HYDIN: variants seen among roughly 807,000 people sequenced by gnomAD.
The protein encoded by HYDIN is axonemal central pair apparatus protein HYDIN.
In HYDIN, 132 loss-of-function variants were observed where a neutral mutation model predicts 403.9. The ratio of observed to expected loss-of-function variants is 0.33; its 90% CI spans 0.28 to 0.38. The LOEUF is 0.38. Among genes scored for constraint, HYDIN ranks in the 10% least tolerant of loss-of-function variants. The pLI is 1.00. For synonymous variants in HYDIN, 1,202 were observed against 1,891.7 expected, an observed-to-expected ratio of 0.64 and a Z score of 9.46; for missense variants, 2,827 against 5,009.5, an observed-to-expected ratio of 0.56 and a Z score of 13.15.
At chr16:71,053,647 A>G (rs1428586746) in intron 18 of HYDIN, among the ~76,000 whole-genome samples, 1 of 144,856 alleles carries the variant, frequency 6.9e-6, no homozygotes, top group Non-Finnish European at 1.5e-5. Flanking sequence ...TATAATATAT[A>G]TATTATGTAA....
intron 8 of HYDIN, chr16:71,132,029 C>CATACT (rs1321893310): frequency 4.8e-5 from 7 of 144,426 alleles, no homozygotes; most frequent in Non-Finnish European, 1.1e-4. Context: ...AAGAAAAATA[C>CATACT]ATACTTATTA....
intron 54 of HYDIN, 124 bp from the exon 55 acceptor site, chr16:70,894,672 A>C: frequency 3.2e-6 from 2 of 626,388 alleles, no homozygotes; most frequent in Non-Finnish European, 5.2e-6. Flanking sequence ...TTGTTTTCTG[A>C]AAGTACTGTG....
At chr16:70,983,854 T>A (rs948130718) in intron 28 of HYDIN, among the ~76,000 whole-genome samples, 5 of 152,038 alleles carry the variant, frequency 3.3e-5, no homozygotes, top group African/African-American at 1.2e-4. Context: ...TAAGACAACT[T>A]AGAAAATAAT....
chr16:70,877,227 T>C (rs1290731863), intron 62 of HYDIN, among the ~76,000 whole-genome samples: 1 of 148,524 alleles, frequency 6.7e-6, no homozygotes, highest in Non-Finnish European at 1.5e-5. Flanking sequence ...AGGTCTTCTA[T>C]ATATTTAATT....
chr16:70,828,772 T>C (rs1006723792), intron 81 of HYDIN, among the ~76,000 whole-genome samples: 1 of 152,220 alleles, frequency 6.6e-6, no homozygotes, highest in Admixed American at 6.5e-5. Flanking sequence ...CAGTGAAATA[T>C]TGGGCAGTTA....
chr16:70,888,332 C>T (rs1211204538), intron 58 of HYDIN, among the ~76,000 whole-genome samples: 1 of 152,184 alleles, frequency 6.6e-6, no homozygotes, highest in Non-Finnish European at 1.5e-5. Context: ...TGATTTAAAT[C>T]TTCTGTTTGG....
Position 70,904,518 on chromosome 16 carries a change from T to TTTTTTTTTTTTTTG in HYDIN, c.8517-455_8517-454insCAAAAAAAAAAAAA, listed in dbSNP as rs767375464. ...TTTTTTTTTTTTTTTTTTTTTTTTT[T>TTTTTTTTTTTTTTG]TGAGGGAGTTTCGTTCTTGTTGCCC... On this transcript the variant is annotated intron_variant, in intron 50 of 85. Transcript: ENST00000393567. 9.0e-3 allele frequency among the ~76,000 whole-genome samples: 332 copies of TTTTTTTTTTTTTTG among 37,010 alleles called. 126 individuals are homozygous for TTTTTTTTTTTTTTG. Among genetic ancestry groups the TTTTTTTTTTTTTTG allele is most frequent in the Non-Finnish European group, 0.013 (258 of 19,122 alleles). The allele number at this position is 37,010 out of a possible 152,430, so 24.3% of individuals were successfully genotyped here.
intron 71 of HYDIN, among the ~76,000 whole-genome samples, chr16:70,858,645 TATACC>T (rs1243805631): frequency 1.3e-5 from 2 of 150,840 alleles, no homozygotes; most frequent in Non-Finnish European, 3.0e-5. Flanking sequence ...ATGCATGGTC[TATACC>T]ACTGCCAGGA....
At chr16:71,020,522 G>A (rs1194787921) in intron 21 of HYDIN, among the ~76,000 whole-genome samples, 4 of 152,030 alleles carry the variant, frequency 2.6e-5, no homozygotes, top group African/African-American at 9.7e-5. Flanking sequence ...GATTAATCAT[G>A]TGGAGGCCGG....
intron 1 of HYDIN, among the ~76,000 whole-genome samples, chr16:71,196,618 G>C (rs571623633): frequency 6.6e-6 from 1 of 152,256 alleles, no homozygotes; most frequent in African/African-American, 2.4e-5. Context: ...GGTAAAATGA[G>C]GCTGAGACCT....
chr16:71,058,777 C>T (rs553809304), intron 18 of HYDIN, among the ~76,000 whole-genome samples: 58 of 152,078 alleles, frequency 3.8e-4, no homozygotes, highest in South Asian at 3.1e-3. Flanking sequence ...TGAGTTTGAA[C>T]GGCATCAGTC....
chr16:70,995,763 C>T (rs927875569), intron 23 of HYDIN, among the ~76,000 whole-genome samples: 3 of 152,222 alleles, frequency 2.0e-5, no homozygotes, highest in African/African-American at 7.2e-5. Flanking sequence ...CTGCAGGAGA[C>T]ACACTGATTT....
chr16:71,187,778 T>C (rs1012007831), intron 1 of HYDIN, among the ~76,000 whole-genome samples: 1 of 151,706 alleles, frequency 6.6e-6, no homozygotes, highest in Admixed American at 6.6e-5. Flanking sequence ...CACACTGAAA[T>C]AAAGCAGTAA....
chr16:70,887,869 G>GA (rs2041235186), intron 58 of HYDIN, among the ~76,000 whole-genome samples: 1 of 151,752 alleles, frequency 6.6e-6, no homozygotes, highest in Admixed American at 6.6e-5. Context: ...ATTTTTAGTA[G>GA]AGACAGGGTT....
At chr16:71,133,072 A>G (rs2084776814) in intron 8 of HYDIN, 1 of 361,336 alleles carries the variant, frequency 2.8e-6, no homozygotes, top group South Asian at 2.1e-5. Flanking sequence ...TTAACAGTCA[A>G]TGGGGAAGAT....
rs2040637889 is a variant in HYDIN, at chr16:70,879,391, T to C, written c.10463A>G (p.Tyr3488Cys). Residue 3488 changes from tyrosine (Y) to cysteine (C), a missense_variant, in exon 62 of 86, where the codon TAT becomes TGT. Physicochemically the swap from Tyr to Cys is radical, Grantham distance 194 (BLOSUM62 -2). Coordinates refer to ENST00000393567, the MANE Select transcript of HYDIN (RefSeq NM_001270974.2). The part of the protein sequence containing the change: ...TVVRPVLHNQ[Y>C]GNPLLLFKRL... ...CTTAAAGAGGAGCAAGGGGTTTCCA[T>C]ATTGGTTATGAAGAACTGGCCGCAC... is the stretch of plus-strand genomic sequence containing the variant. The C allele has an allele frequency of 1.9e-6, 3 of 1,580,602 alleles. No homozygotes were observed. Among genetic ancestry groups the C allele is most frequent in the African/African-American group, 1.4e-5 (1 of 73,524 alleles).
intron 11 of HYDIN, among the ~76,000 whole-genome samples, chr16:71,092,875 C>G (rs1448094031): frequency 7.0e-6 from 1 of 142,950 alleles, no homozygotes; most frequent in Non-Finnish European, 1.5e-5. Flanking sequence ...TTTGTGAGGA[C>G]TAAATGAACG....
chr16:71,175,134 TACC>T (rs1239888375), intron 5 of HYDIN, among the ~76,000 whole-genome samples: 2 of 147,388 alleles, frequency 1.4e-5, no homozygotes, highest in Admixed American at 6.7e-5. Flanking sequence ...ACATCACCAC[TACC>T]ACCACCATCA....
At chr16:70,911,776 G>A (rs1007506061) in intron 47 of HYDIN, among the ~76,000 whole-genome samples, 1 of 151,566 alleles carries the variant, frequency 6.6e-6, no homozygotes, top group African/African-American at 2.4e-5. Flanking sequence ...TGTCATCTAT[G>A]ATTTCTTTCA....
Sources: gnomAD v4.1 joint callset for allele counts (sites outside exome capture counted in the v4.1 genomes callset) on GRCh38, gnomAD v4.1.1 for gene constraint, MANE v1.5 for transcripts, NCBI Gene and HGNC (gene_info 2026-07-23, HGNC 2026-07-21) for gene names.